MAP3K6: variants seen among roughly 807,000 people sequenced by gnomAD.
MAP3K6 encodes the protein apoptosis signal-regulating kinase 2.
A neutral mutation model predicts 147.1 loss-of-function variants in MAP3K6; 105 were observed. The ratio of observed to expected loss-of-function variants is 0.71; its 90% CI spans 0.61 to 0.84. The LOEUF (loss-of-function observed/expected upper bound fraction) is 0.84. Among genes scored for constraint, MAP3K6 ranks in the 40% least tolerant of loss-of-function variants. The pLI is 0.00. For missense variants in MAP3K6, 1,569 were observed against 1,715.0 expected (o/e 0.91, Z 1.50); for synonymous variants, 695 against 732.4 (o/e 0.95, Z 0.82).
At chr1:27,356,123 G>C (rs1451845448) in intron 26 of MAP3K6, 24 bp from the exon 27 acceptor site, 1 of 1,604,826 alleles carries the variant, frequency 6.2e-7, no homozygotes, top group Middle Eastern at 1.7e-4. Context: ...GTCAGGTGAT[G>C]AGCCCAAGAG....
rs2015982956 is a variant in MAP3K6 at position 27,366,314 on chromosome 1, G to T, written c.284C>A (p.Pro95His). ...PRPPPQLRSL[P>H]FGTLELGDTA... ...GTCGCCTAGCTCCAGCGTCCCGAAG[G>T]GCAGGCTGCGCAGCTGCGGGGGCGG... The change falls in exon 1 of 29, where the codon CCC becomes CAC. Residue 95 changes from proline (P) to histidine (H), a missense_variant. Physicochemically the swap from Pro to His is moderately conservative, Grantham distance 77. Coordinates refer to ENST00000357582, the MANE Select transcript of MAP3K6 (RefSeq NM_004672.5). This position sits in a 1 kb window ranked among gnomAD's most constrained non-coding sequence, Gnocchi z 5.5. The T allele has an allele frequency of 5.3e-6, 7 of 1,321,648 alleles. No individual in the cohort carries two copies. Among genetic ancestry groups the T allele is most frequent in the South Asian group, 3.9e-5 (2 of 50,710 alleles). 81.9% of individuals were successfully genotyped at this position (1,321,648 alleles called of 1,614,324 possible). A position where few individuals can be genotyped will look rare whatever the true frequency, so the allele number is the denominator to read the frequency against.
intron 27 of MAP3K6, 61 bp downstream of exon 27, chr1:27,355,965 T>A: frequency 6.7e-7 from 1 of 1,485,710 alleles, no homozygotes; most frequent in Non-Finnish European, 9.4e-7. Flanking sequence ...AGCAGGAAGA[T>A]GGACAGAGAT....
intron 24 of MAP3K6, 97 bp from the exon 25 acceptor site, chr1:27,356,846 G>A (rs1369148642): frequency 2.2e-5 from 33 of 1,469,092 alleles, no homozygotes; most frequent in Non-Finnish European, 2.7e-5. Flanking sequence ...CTCTGGGCAG[G>A]CCCCAGGCGG....
intron 8 of MAP3K6, among the ~76,000 whole-genome samples, 190 bp downstream of exon 8, chr1:27,362,451 A>G (rs899946244): frequency 6.6e-6 from 1 of 152,072 alleles, no homozygotes; most frequent in East Asian, 1.9e-4. Context: ...TGAGTTTGGG[A>G]ACATTTGTGG....
chr1:27,358,491 C>T lies in MAP3K6; in HGVS notation c.2704G>A (p.Gly902Arg), dbSNP rs768633599. The change falls in exon 20 of 29, where the codon GGG (glycine) becomes AGG (arginine). Residue 902 changes from glycine to arginine, a missense_variant. By Grantham distance (125) the Gly-to-Arg change is moderately radical. Coordinates refer to ENST00000357582, the MANE Select transcript of MAP3K6 (RefSeq NM_004672.5). The surrounding 1 kb of genome is among the most constrained non-coding windows in gnomAD (Gnocchi z 6.2). ...RLRASAQTLL[G>R]DPFLQPGKRS... ...TTCCCAGGCTGCAGGAAGGGGTCCC[C>T]CAGCAGTGTCTGGGCGCTGGCTCGG... 6.2e-7 allele frequency: 1 copy of T among 1,602,654 alleles called. No homozygotes were observed.
intron 8 of MAP3K6, 60 bp downstream of exon 8, chr1:27,362,581 C>T: frequency 3.0e-6 from 4 of 1,337,976 alleles, no homozygotes; most frequent in Non-Finnish European, 4.1e-6. Flanking sequence ...TCCCTGCCCT[C>T]TTCCCAGGCC....
At chr1:27,365,550 G>A (rs951603383) in intron 1 of MAP3K6, among the ~76,000 whole-genome samples, 2 of 152,072 alleles carry the variant, frequency 1.3e-5, no homozygotes, top group Admixed American at 1.3e-4. Context: ...AAGTATGGGG[G>A]CCGAGCATCC....
chr1:27,363,722 C>A (rs940542811), intron 5 of MAP3K6, among the ~76,000 whole-genome samples, 174 bp from the exon 6 acceptor site: 2 of 152,216 alleles, frequency 1.3e-5, no homozygotes, highest in Non-Finnish European at 2.9e-5. Context: ...CCATGCTGGG[C>A]GTTCCCAACC....
chr1:27,356,562 G>A (rs1404584940), intron 25 of MAP3K6, 28 bp downstream of exon 25: 1 of 1,611,742 alleles, frequency 6.2e-7, no homozygotes, highest in South Asian at 1.1e-5. Flanking sequence ...GCCCGGCAGA[G>A]GCTATGAGCG....
chr1:27,361,708 G>T lies in MAP3K6; in HGVS notation c.1575C>A (p.Cys525Ter). ...FKTACAQGDQ[C>*]LVLVLEMNKV... The stretch of plus-strand genomic sequence containing the variant: ...CCACCACCCCTACAGGCCTCACCAA[G>T]CACTGGTCGCCCTGGGCACAGGCTG... The change falls in exon 10 of 29, where the codon TGC (cysteine) becomes TGA (stop). Residue 525 changes from cysteine to a stop codon, truncating the protein, a stop_gained. Transcript: ENST00000357582. LOFTEE classifies it high-confidence loss of function. 6.2e-6 allele frequency: 10 copies of T among 1,613,558 alleles called. No homozygotes were observed. Among genetic ancestry groups the T allele is most frequent in the Non-Finnish European group, 8.5e-6 (10 of 1,179,644 alleles).
At chr1:27,365,611 C>T (rs2015948006) in intron 1 of MAP3K6, among the ~76,000 whole-genome samples, 1 of 151,956 alleles carries the variant, frequency 6.6e-6, no homozygotes. Flanking sequence ...TCCTTCTGGC[C>T]CCGCCCCTGA....
chr1:27,366,322 G>A lies in MAP3K6; in HGVS notation c.276C>T (p.Arg92=). ...GCTCCAGCGTCCCGAAGGGCAGGCTGCGCAGCTGCGGGGGCGGCCGCGGCC... is the reference window on the plus strand; with the variant it reads ...GCTCCAGCGTCCCGAAGGGCAGGCTACGCAGCTGCGGGGGCGGCCGCGGCC... ...VPRPRPPPQL[R]SLPFGTLELG... is the part of the protein sequence containing the mutation. The change falls in exon 1 of 29, where the codon CGC becomes CGT. Residue 92 remains arginine (R), a synonymous_variant. Transcript: ENST00000357582. This position sits in a 1 kb window ranked among gnomAD's most constrained non-coding sequence, Gnocchi z 5.5. 2 of 1,309,180 alleles carry A rather than the reference G, an allele frequency of 1.5e-6. No individual in the cohort carries two copies. Among genetic ancestry groups the A allele is most frequent in the Non-Finnish European group, 1.9e-6 (2 of 1,030,312 alleles). 81.1% of individuals were successfully genotyped at this position (1,309,180 alleles called of 1,614,324 possible).
In MAP3K6 at chr1:27,361,333, T is replaced by C. The variant is rs942495514; in HGVS notation, c.1736+13A>G. Reference sequence around the variant, plus strand: ...CTCCCGTCTTTCCAGTCACCCCAGGTCCCGCCTATCACCTGACTCCGCATA... The same window carrying C: ...CTCCCGTCTTTCCAGTCACCCCAGGCCCCGCCTATCACCTGACTCCGCATA... On this transcript the variant is annotated intron_variant, in intron 12 of 28. Transcript: ENST00000357582. The C allele has an allele frequency of 6.2e-7, 1 of 1,613,684 alleles. No homozygotes were observed. Among genetic ancestry groups the C allele is most frequent in the African/African-American group, 1.3e-5 (1 of 74,878 alleles).
intron 6 of MAP3K6, 63 bp from the exon 7 acceptor site, chr1:27,363,084 T>C: frequency 6.8e-7 from 1 of 1,467,018 alleles, no homozygotes; most frequent in Admixed American, 2.3e-5. Flanking sequence ...CAGGGACCTC[T>C]AGACACTGAA....
At position 27,362,094 on chromosome 1, in the gene MAP3K6, A is replaced by T; in HGVS notation, c.1412T>A (p.Ile471Lys). 6.2e-7 allele frequency: 1 copy of T among 1,609,888 alleles called. No homozygotes were observed. The highest frequency in any genetic ancestry group is 8.5e-7 in the Non-Finnish European group (1 of 1,177,668). The change falls in exon 9 of 29, where the codon ATA (isoleucine) becomes AAA (lysine). Residue 471 changes from isoleucine to lysine, a missense_variant. Physicochemically the swap from Ile to Lys is moderately radical, Grantham distance 102. Coordinates refer to ENST00000357582, the MANE Select transcript of MAP3K6 (RefSeq NM_004672.5). ...AEQLYKLNAP[I>K]WYLVSVMETF... ...GAATGCAGAGGGGGCCACCTACCATATGGGGGCATTGAGCTTATACAGCTG... is the reference window on the plus strand; with the variant it reads ...GAATGCAGAGGGGGCCACCTACCATTTGGGGGCATTGAGCTTATACAGCTG...
In MAP3K6 at chr1:27,357,732, G is replaced by C; in HGVS notation, c.3060C>G (p.His1020Gln). The change falls in exon 22 of 29, where the codon CAC (histidine) becomes CAG (glutamine). Residue 1020 changes from histidine (H) to glutamine (Q), a missense_variant. His to Gln is a conservative substitution (Grantham distance 24, BLOSUM62 0). Coordinates refer to ENST00000357582, the MANE Select transcript of MAP3K6 (RefSeq NM_004672.5). ...QELPALAENLHQEQKQEQGAR... is the reference protein window; with the variant it reads ...QELPALAENLQQEQKQEQGAR... ...CCACCTGCTCTTGCTTCTGCTCCTG[G>C]TGCAGATTCTCCGCCAGCGCTGGCA... is the stretch of plus-strand genomic sequence containing the variant. 1 of 1,611,732 alleles carries C rather than the reference G, an allele frequency of 6.2e-7. No homozygotes were observed. The highest frequency in any genetic ancestry group is 8.5e-7 in the Non-Finnish European group (1 of 1,179,890).
rs578245707 is a variant in MAP3K6, at chr1:27,359,442, G to A, written c.2400C>T (p.Ile800=). The A allele has an allele frequency of 1.2e-6, 2 of 1,614,118 alleles. No homozygotes were observed. The highest frequency in any genetic ancestry group is 2.2e-5 in the South Asian group (2 of 91,070). Residue 800 remains isoleucine (I), a synonymous_variant, in exon 18 of 29, where the codon ATC becomes ATT. Coordinates refer to ENST00000357582, the MANE Select transcript of MAP3K6 (RefSeq NM_004672.5). This position sits in a 1 kb window ranked among gnomAD's most constrained non-coding sequence, Gnocchi z 4.4. ...DFGTSKRLAG[I]TPCTETFTGT... ...CTGTGAAGGTCTCAGTGCAAGGTGTGATGCCTGCCAGCCGCTTGGAGGTGC... is the reference window on the plus strand; with the variant it reads ...CTGTGAAGGTCTCAGTGCAAGGTGTAATGCCTGCCAGCCGCTTGGAGGTGC...
chr1:27,365,371 C>G (rs904218901), intron 1 of MAP3K6, among the ~76,000 whole-genome samples: 1 of 152,136 alleles, frequency 6.6e-6, no homozygotes, highest in African/African-American at 2.4e-5. Context: ...CTGACTGTAT[C>G]TGTGTGTGTG....
At position 27,357,779 on chromosome 1, in the gene MAP3K6, C is replaced by T; in HGVS notation, c.3013G>A (p.Ala1005Thr). 1 of 1,610,292 alleles carries T rather than the reference C, an allele frequency of 6.2e-7. No homozygotes were observed. The change falls in exon 22 of 29, where the codon GCC becomes ACC. Residue 1005 changes from alanine (A) to threonine (T), a missense_variant. Transcript: ENST00000357582. ...HQESKRRAML[A>T]AVLEQELPAL... ...GGCAGCTCCTGCTCCAATACTGCGG[C>T]CAGCATGGCCCGACGCTTGCTCTCC...
Sources: gnomAD v4.1 joint callset for allele counts (sites outside exome capture counted in the v4.1 genomes callset) on GRCh38, gnomAD v4.1.1 for gene constraint, Gnocchi (gnomAD v3.1) non-coding constraint, MANE v1.5 for transcripts, NCBI Gene and HGNC (gene_info 2026-07-23, HGNC 2026-07-21) for gene names.